The following SCD5 variants were observed in gnomAD, a reference collection of about 807,000 sequenced individuals.
SCD5 encodes the protein acyl-CoA-desaturase 4.
A neutral mutation model predicts 30.4 loss-of-function variants in SCD5; 20 were observed. The ratio of observed to expected loss-of-function variants is 0.66; its 90% CI spans 0.46 to 0.96. SCD5 has a LOEUF of 0.96. SCD5 is among the 40% of genes least tolerant of loss of function. The probability of loss-of-function intolerance (pLI) is 0.00; values close to 1 mark genes in which losing one functional copy is unlikely to be tolerated. For missense variants in SCD5, 381 were observed against 443.3 expected (o/e 0.86, Z 1.26); for synonymous variants, 173 against 176.4 (o/e 0.98, Z 0.16).
rs374693279 is a variant in SCD5, at chr4:82,749,570, T to C, written c.233-44157A>G. On this transcript the variant is annotated intron_variant, in intron 1 of 4. Coordinates refer to ENST00000319540, the MANE Select transcript of SCD5 (RefSeq NM_001037582.3). ...ATAGAAAAGTAAATAACAACACAAG[T>C]TGGGCCAAACAGGCAATGTTTCCTT... 4.7e-4 allele frequency among the ~76,000 whole-genome samples: 72 copies of C among 152,334 alleles called. 3 individuals carry two copies. In the East Asian group the frequency reaches 7.5e-3, roughly 16 times the overall value.
chr4:82,712,279 TATATATATATATA>T (rs1720119496), intron 1 of SCD5, among the ~76,000 whole-genome samples: 2 of 50,540 alleles, frequency 4.0e-5, no homozygotes, highest in African/African-American at 2.2e-4. Context: ...TATATATATA[TATATATATATATA>T]TATATTTTAT....
At chr4:82,638,023 G>T (rs1727468494) in intron 3 of SCD5, among the ~76,000 whole-genome samples, 1 of 152,090 alleles carries the variant, frequency 6.6e-6, no homozygotes, top group African/African-American at 2.4e-5. Flanking sequence ...AGGCCCCAGT[G>T]TGTGTTGTTC....
intron 1 of SCD5, among the ~76,000 whole-genome samples, chr4:82,744,284 T>C (rs1229169556): frequency 1.3e-5 from 2 of 152,230 alleles, no homozygotes; most frequent in Non-Finnish European, 2.9e-5. Context: ...CCCATATTTC[T>C]TTTTACTTAT....
rs370638056 is a variant in SCD5, at chr4:82,798,633, G to A, written c.-96C>T. On this transcript the variant is annotated 5_prime_UTR_variant, in exon 1 of 5. Transcript: ENST00000319540. The stretch of plus-strand genomic sequence containing the variant: ...GGGGGCGGGGGCTTCTGCCTTTTAG[G>A]GGGGAATTCTCCGCACGTCCAGTCC... The A allele has an allele frequency of 1.5e-5, 16 of 1,079,186 alleles. No individual in the cohort carries two copies. Among genetic ancestry groups the A allele is most frequent in the African/African-American group, 4.8e-5 (3 of 62,198 alleles). The allele number at this position is 1,079,186 out of a possible 1,614,324, so 66.9% of individuals were successfully genotyped here. A position where few individuals can be genotyped will look rare whatever the true frequency, so the allele number is the denominator to read the frequency against.
chr4:82,712,101 T>C (rs1260086278), intron 1 of SCD5, among the ~76,000 whole-genome samples: 1 of 149,584 alleles, frequency 6.7e-6, no homozygotes. Context: ...GGTGCCATTA[T>C]GATCTCCATC....
intron 1 of SCD5, among the ~76,000 whole-genome samples, chr4:82,782,899 G>A (rs1190215053): frequency 1.3e-5 from 2 of 152,166 alleles, no homozygotes; most frequent in Non-Finnish European, 2.9e-5. Flanking sequence ...TCACTCTAAG[G>A]AGAGCCACAC....
chr4:82,686,893 G>A (rs1465334272), intron 2 of SCD5, among the ~76,000 whole-genome samples: 4 of 152,098 alleles, frequency 2.6e-5, no homozygotes, highest in East Asian at 1.9e-4. Context: ...CTTCTTCGCC[G>A]GGCAGGGTGG....
intron 1 of SCD5, among the ~76,000 whole-genome samples, chr4:82,790,119 C>T (rs755762205): frequency 6.6e-6 from 1 of 152,160 alleles, no homozygotes; most frequent in African/African-American, 2.4e-5. Flanking sequence ...GGGACACTGG[C>T]ACCCAATGAG....
At chr4:82,700,337 C>T (rs185051722) in intron 2 of SCD5, among the ~76,000 whole-genome samples, 1 of 151,998 alleles carries the variant, frequency 6.6e-6, no homozygotes, top group Non-Finnish European at 1.5e-5. Context: ...AGGATACATA[C>T]CAAAAAACCC....
intron 3 of SCD5, among the ~76,000 whole-genome samples, chr4:82,656,666 G>A (rs868315479): frequency 6.6e-6 from 1 of 152,148 alleles, no homozygotes; most frequent in Non-Finnish European, 1.5e-5. Flanking sequence ...GATCCTTGAG[G>A]AATCACCACA....
intron 1 of SCD5, among the ~76,000 whole-genome samples, chr4:82,739,166 T>C (rs975699308): frequency 2.0e-5 from 3 of 152,202 alleles, no homozygotes; most frequent in Non-Finnish European, 4.4e-5. Flanking sequence ...TAAGTACCTG[T>C]TCTTGTCCTT....
chr4:82,667,284 A>ACG (rs1553915103), intron 3 of SCD5, among the ~76,000 whole-genome samples: 6,926 of 150,568 alleles, frequency 0.046, 566 homozygotes, highest in African/African-American at 0.16. Flanking sequence ...ACACACACAC[A>ACG]CACGCACGCA....
intron 3 of SCD5, among the ~76,000 whole-genome samples, chr4:82,645,393 A>T (rs116529571): frequency 0.03 from 4,552 of 152,184 alleles, 257 homozygotes; most frequent in African/African-American, 0.1. Context: ...CAAGAAATAG[A>T]GTGGCTCTCC....
chr4:82,746,749 A>C (rs1720990858), intron 1 of SCD5, among the ~76,000 whole-genome samples: 1 of 152,022 alleles, frequency 6.6e-6, no homozygotes, highest in Non-Finnish European at 1.5e-5. Flanking sequence ...TTGATACGGG[A>C]AAGAGCAAGG....
intron 2 of SCD5, among the ~76,000 whole-genome samples, chr4:82,689,924 G>T (rs920901089): frequency 6.6e-6 from 1 of 152,100 alleles, no homozygotes; most frequent in African/African-American, 2.4e-5. Context: ...GTCTAATTAT[G>T]AAGTAACATG....
Position 82,734,726 on chromosome 4 carries a change from T to A in SCD5, c.233-29313A>T, listed in dbSNP as rs75170530. On this transcript the variant is annotated intron_variant, in intron 1 of 4. Transcript: ENST00000319540. The stretch of plus-strand genomic sequence containing the variant: ...TGTATTGTTGCTTGGGCTTTTTTTT[T>A]AAAACAAGCCTATAGTCAATATTTA... 2.7e-3 allele frequency among the ~76,000 whole-genome samples: 407 copies of A among 151,954 alleles called. 6 individuals carry two copies. In the East Asian group the frequency reaches 0.034, roughly 13 times the overall value.
intron 2 of SCD5, among the ~76,000 whole-genome samples, chr4:82,702,812 T>C (rs985203356): frequency 5.3e-5 from 8 of 152,226 alleles, no homozygotes; most frequent in Non-Finnish European, 1.5e-5. Context: ...TGGCAGATCA[T>C]AGCATTTTTT....
At chr4:82,731,492 G>A (rs970244628) in intron 1 of SCD5, among the ~76,000 whole-genome samples, 3 of 152,166 alleles carry the variant, frequency 2.0e-5, no homozygotes, top group African/African-American at 2.4e-5. Context: ...GGGAGACCCC[G>A]GGGAAACAGC....
intron 1 of SCD5, chr4:82,775,487 TCATGCCCAAAAGGGC>T (rs1411093260): frequency 1.4e-4 from 22 of 152,272 alleles, no homozygotes; most frequent in Non-Finnish European, 2.4e-4. Flanking sequence ...GAAACGACGG[TCATGCCCAAAAGGGC>T]CATGCCACGT....
Sources: gnomAD v4.1 joint callset for allele counts (sites outside exome capture counted in the v4.1 genomes callset) on GRCh38, gnomAD v4.1.1 for gene constraint, MANE v1.5 for transcripts, NCBI Gene and HGNC (gene_info 2026-07-23, HGNC 2026-07-21) for gene names.